TMEM255B: variants seen among roughly 807,000 people sequenced by gnomAD.
The protein encoded by TMEM255B is family with sequence similarity 70, member B.
A neutral mutation model predicts 34.5 loss-of-function variants in TMEM255B; 35 were observed. The observed-to-expected ratio is 1.01, with a 90% CI of 0.77 to 1.34. TMEM255B has a LOEUF of 1.34. Ranked by LOEUF, TMEM255B falls within the 40% of genes most tolerant of loss-of-function variation. TMEM255B has a pLI of 0.00. For synonymous variants in TMEM255B, 206 were observed against 201.2 expected (o/e 1.02, Z -0.20); for missense variants, 432 against 433.2 (o/e 1.00, Z 0.02).
intron 3 of TMEM255B, among the ~76,000 whole-genome samples, chr13:113,786,684 T>G (rs1193403051): frequency 6.6e-6 from 1 of 151,512 alleles, no homozygotes. Flanking sequence ...GTCATCACCA[T>G]CACCGTCATC....
At chr13:113,766,296 A>C (rs201308068) in intron 2 of TMEM255B, 39 bp downstream of exon 2, 1 of 1,612,398 alleles carries the variant, frequency 6.2e-7, no homozygotes, top group East Asian at 2.2e-5. Context: ...CGGGGAGGGC[A>C]GGGTGGTGTG....
chr13:113,811,870 C>T lies in TMEM255B; in HGVS notation c.948C>T (p.Pro316=), dbSNP rs376538754. The stretch of plus-strand genomic sequence containing the variant: ...CGTGCTACGCACCCACCTACTTTCC[C>T]CCGGGGGAGAAGCCACCCCCCTACG... ...APPCYAPTYF[P]PGEKPPPYAP The change falls in exon 9 of 9, where the codon CCC becomes CCT. Residue 316 remains proline, a synonymous_variant. Coordinates refer to ENST00000375353, the MANE Select transcript of TMEM255B (RefSeq NM_182614.4). 7 of 1,613,394 alleles carry T rather than the reference C, an allele frequency of 4.3e-6. No homozygotes were observed. The highest frequency in any genetic ancestry group is 5.9e-6 in the Non-Finnish European group (7 of 1,179,630).
At chr13:113,795,470 A>G (rs774986552) in intron 4 of TMEM255B, among the ~76,000 whole-genome samples, 12 of 148,440 alleles carry the variant, frequency 8.1e-5, no homozygotes, top group Non-Finnish European at 1.5e-4. Context: ...CACAGCACAC[A>G]CCACAACAGA....
Position 113,812,550 on chromosome 13 carries a change from C to T in TMEM255B, c.*647C>T, listed in dbSNP as rs9577860. ...CTCCCAGCTACGGCGCCTGGGCTTC[C>T]GCTGTCCTTCCGCGGCTTCTCCCTC... On this transcript the variant is annotated 3_prime_UTR_variant, in exon 9 of 9. Coordinates refer to ENST00000375353, the MANE Select transcript of TMEM255B (RefSeq NM_182614.4). The T allele has an allele frequency of 0.087, 13,220 of 152,714 alleles. 675 individuals carry two copies. The highest frequency in any genetic ancestry group is 0.14 in the Admixed American group (2,196 of 15,306). 9.5% of individuals were successfully genotyped at this position (152,714 alleles called of 1,614,324 possible). A position where few individuals can be genotyped will look rare whatever the true frequency, so the allele number is the denominator to read the frequency against.
chr13:113,809,116 AACTCTGTGGTTCCTGGGGGGAGGGGTT>A (rs1250864417), intron 8 of TMEM255B, among the ~76,000 whole-genome samples: 2 of 78,880 alleles, frequency 2.5e-5, no homozygotes, highest in Non-Finnish European at 4.6e-5. Context: ...CCGGGGGCTT[AACTCTGTGGTTCCTGGGGGGAGGGGTT>A]ACTCTGTGGT....
rs191054802 is a variant in TMEM255B, at chr13:113,769,522, T to G, written c.252+362T>G. The G allele has an allele frequency of 1.5e-3, 342 of 220,758 alleles. 1 individual carries two copies. The highest frequency in any genetic ancestry group is 7.1e-3 in the African/African-American group (321 of 45,170). 13.7% of individuals were successfully genotyped at this position (220,758 alleles called of 1,614,324 possible). A position where few individuals can be genotyped will look rare whatever the true frequency, so the allele number is the denominator to read the frequency against. On this transcript the variant is annotated intron_variant, in intron 3 of 8. Transcript: ENST00000375353. The surrounding 1 kb of genome is among the most constrained non-coding windows in gnomAD (Gnocchi z 4.2). ...AGGCAAAAACATGTGCATAAGCCTC[T>G]CTTCCTTTTGAACCAGTGGCTCTAG...
rs1184140210 is a variant in TMEM255B, at chr13:113,806,643, G to A, written c.813+1615G>A. On this transcript the variant is annotated intron_variant, in intron 8 of 8. Coordinates refer to ENST00000375353, the MANE Select transcript of TMEM255B (RefSeq NM_182614.4). The surrounding 1 kb of genome is among the most constrained non-coding windows in gnomAD (Gnocchi z 4.2). Reference sequence around the variant, plus strand: ...AGTGGTCACTCCTGCAGGCAGGCGCGTCTGCTTGGTGCCACAGGCAGCTTC... The same window carrying A: ...AGTGGTCACTCCTGCAGGCAGGCGCATCTGCTTGGTGCCACAGGCAGCTTC... Among the ~76,000 whole-genome samples, 2 of 152,172 alleles carry A rather than the reference G, an allele frequency of 1.3e-5. No homozygotes were observed. The highest frequency in any genetic ancestry group is 2.9e-5 in the Non-Finnish European group (2 of 67,994).
chr13:113,777,872 C>T lies in TMEM255B; in HGVS notation c.252+8712C>T, dbSNP rs188217649. Among the ~76,000 whole-genome samples, 312 of 152,338 alleles carry T rather than the reference C, an allele frequency of 2.0e-3. 2 individuals carry two copies. The highest frequency in any genetic ancestry group is 7.1e-3 in the African/African-American group (296 of 41,572). On this transcript the variant is annotated intron_variant, in intron 3 of 8. Coordinates refer to ENST00000375353, the MANE Select transcript of TMEM255B (RefSeq NM_182614.4). ...CTGAGTGCCTCCTCCTTGGCTGACC[C>T]TGTCATTCACCACCTGAAGCCATTG...
chr13:113,768,831 T>C lies in TMEM255B; in HGVS notation c.190-267T>C, dbSNP rs993537997. ...TGTCTCTGGGGGAGGAGTGGGAACT[T>C]CTCTTACCCCAGAGTCACAAGCCAA... On this transcript the variant is annotated intron_variant, in intron 2 of 8. Coordinates refer to ENST00000375353, the MANE Select transcript of TMEM255B (RefSeq NM_182614.4). The C allele has an allele frequency of 7.2e-6, 4 of 557,294 alleles. No homozygotes were observed. The African/African-American group carries it at 7.5e-5, about 10-fold the overall frequency. 34.5% of individuals were successfully genotyped at this position (557,294 alleles called of 1,614,324 possible).
At position 113,769,982 on chromosome 13, in the gene TMEM255B, C is replaced by T. The variant is rs1325086582; in HGVS notation, c.252+822C>T. Among the ~76,000 whole-genome samples, 1 of 152,152 alleles carries T rather than the reference C, an allele frequency of 6.6e-6. No individual in the cohort carries two copies. The highest frequency in any genetic ancestry group is 2.4e-5 in the African/African-American group (1 of 41,432). Reference sequence around the variant, plus strand: ...CAAATGACCTGTGTCGGGCCCCCAACCCCTGCCTGTTCCCAGTTCCCAGGC... The same window carrying T: ...CAAATGACCTGTGTCGGGCCCCCAATCCCTGCCTGTTCCCAGTTCCCAGGC... On this transcript the variant is annotated intron_variant, in intron 3 of 8. Coordinates refer to ENST00000375353, the MANE Select transcript of TMEM255B (RefSeq NM_182614.4). This position sits in a 1 kb window ranked among gnomAD's most constrained non-coding sequence, Gnocchi z 4.2.
In TMEM255B at chr13:113,795,250, T is replaced by A. The variant is rs749744771; in HGVS notation, c.342+13T>A. The A allele has an allele frequency of 6.2e-7, 1 of 1,612,328 alleles. No homozygotes were observed. The highest frequency in any genetic ancestry group is 8.5e-7 in the Non-Finnish European group (1 of 1,179,022). ...AGCACAGCACATTGTGAGTACATTG[T>A]CATTGTGTGCACAGTCGCTTTCCGG... On this transcript the variant is annotated intron_variant, in intron 4 of 8. Transcript: ENST00000375353.
intron 5 of TMEM255B, among the ~76,000 whole-genome samples, chr13:113,800,605 G>T (rs1425828624): frequency 6.6e-6 from 1 of 152,100 alleles, no homozygotes; most frequent in Non-Finnish European, 1.5e-5. Context: ...CGATTATCCG[G>T]CCTCTGGGAC....
At chr13:113,795,809 CAG>C (rs1329884290) in intron 4 of TMEM255B, among the ~76,000 whole-genome samples, 1 of 136,716 alleles carries the variant, frequency 7.3e-6, no homozygotes, top group Non-Finnish European at 1.6e-5. Context: ...CACACCAAAA[CAG>C]AGCACATAGC....
intron 3 of TMEM255B, among the ~76,000 whole-genome samples, chr13:113,789,629 C>T (rs2050794782): frequency 6.6e-6 from 1 of 152,208 alleles, no homozygotes. Flanking sequence ...TGCCTGGACT[C>T]GGGTTGAAGC....
At chr13:113,799,836 G>T (rs1229801443) in intron 5 of TMEM255B, 2 of 653,138 alleles carry the variant, frequency 3.1e-6, no homozygotes, top group South Asian at 3.0e-5. Context: ...GATGCGGGGA[G>T]TAATGACCCG....
intron 8 of TMEM255B, among the ~76,000 whole-genome samples, chr13:113,811,056 G>A (rs972104840): frequency 1.4e-4 from 21 of 152,114 alleles, no homozygotes; most frequent in South Asian, 2.1e-4. Flanking sequence ...TGCAGCTGTG[G>A]AGGCCAAGGT....
At chr13:113,790,626 A>G (rs2050816746) in intron 3 of TMEM255B, among the ~76,000 whole-genome samples, 1 of 137,556 alleles carries the variant, frequency 7.3e-6, no homozygotes, top group African/African-American at 2.8e-5. Flanking sequence ...AACTGACTGG[A>G]CACATGGATA....
chr13:113,803,886 C>T (rs12859932), intron 7 of TMEM255B, among the ~76,000 whole-genome samples: 10 of 151,836 alleles, frequency 6.6e-5, no homozygotes, highest in African/African-American at 2.4e-4. Flanking sequence ...GGCCTGGGGT[C>T]ATCACCCTGT....
chr13:113,759,965 C>A, intron 1 of TMEM255B, among the ~76,000 whole-genome samples: 1 of 152,224 alleles, frequency 6.6e-6, no homozygotes, highest in East Asian at 1.9e-4. Context: ...GTTCGCAAGC[C>A]GGGCTCGGGG....
Sources: gnomAD v4.1 joint callset for allele counts (sites outside exome capture counted in the v4.1 genomes callset) on GRCh38, gnomAD v4.1.1 for gene constraint, Gnocchi (gnomAD v3.1) non-coding constraint, MANE v1.5 for transcripts, NCBI Gene and HGNC (gene_info 2026-07-23, HGNC 2026-07-21) for gene names.